IP6K1: variants seen among roughly 807,000 people sequenced by gnomAD.
IP6K1 encodes the protein inositol hexakisphosphate kinase 1.
IP6K1 carries 13 observed loss-of-function variants against 38.3 expected under a neutral mutation model. The observed-to-expected ratio is 0.34, with a 90% confidence interval of 0.22 to 0.54. The LOEUF is 0.54. Among genes scored for constraint, IP6K1 ranks in the 20% least tolerant of loss-of-function variants. The pLI is 0.92. For missense variants in IP6K1, 397 were observed against 599.8 expected (o/e 0.66, Z 3.53); for synonymous variants, 212 against 229.9 (o/e 0.92, Z 0.70).
At chr3:49,762,393 T>C (rs1049708420) in intron 1 of IP6K1, among the ~76,000 whole-genome samples, 1 of 152,150 alleles carries the variant, frequency 6.6e-6, no homozygotes, top group African/African-American at 2.4e-5. Flanking sequence ...AATACAAAAA[T>C]TAGCTGGCAA....
intron 1 of IP6K1, among the ~76,000 whole-genome samples, chr3:49,769,971 T>C (rs571523958): frequency 6.6e-6 from 1 of 152,276 alleles, no homozygotes; most frequent in Non-Finnish European, 1.5e-5. Context: ...CCCAACACTT[T>C]GGGAGGCCAA....
At chr3:49,763,053 G>A (rs1418906318) in intron 1 of IP6K1, among the ~76,000 whole-genome samples, 1 of 151,486 alleles carries the variant, frequency 6.6e-6, no homozygotes, top group Non-Finnish European at 1.5e-5. Flanking sequence ...GCCTCTCAAA[G>A]TGCTGGGATT....
At chr3:49,748,955 C>T (rs2080747163) in intron 1 of IP6K1, 1 of 152,414 alleles carries the variant, frequency 6.6e-6, no homozygotes, top group Admixed American at 6.5e-5. Flanking sequence ...AGTGACAGAT[C>T]ATCAGGCATT....
At chr3:49,760,577 T>C (rs1252698438) in intron 1 of IP6K1, among the ~76,000 whole-genome samples, 2 of 138,552 alleles carry the variant, frequency 1.4e-5, no homozygotes, top group African/African-American at 2.8e-5. Context: ...TGAGCCGAGA[T>C]AGTGCCACTG....
intron 1 of IP6K1, among the ~76,000 whole-genome samples, chr3:49,782,639 C>CA (rs1202536331): frequency 6.6e-6 from 1 of 151,834 alleles, no homozygotes; most frequent in African/African-American, 2.4e-5. Flanking sequence ...CCCATCTCTA[C>CA]AAAAAAATTA....
intron 2 of IP6K1, among the ~76,000 whole-genome samples, chr3:49,746,670 A>C (rs1478478376): frequency 7.2e-6 from 1 of 138,498 alleles, no homozygotes; most frequent in Non-Finnish European, 1.6e-5. Context: ...AGAAACTCTC[A>C]AAAAAAAAAA....
At chr3:49,767,608 T>TA (rs1559713431) in intron 1 of IP6K1, among the ~76,000 whole-genome samples, 1 of 151,044 alleles carries the variant, frequency 6.6e-6, no homozygotes, top group Non-Finnish European at 1.5e-5. Flanking sequence ...AACAACAACT[T>TA]AAAAAAATAA....
intron 1 of IP6K1, chr3:49,785,658 CA>C (rs2081106840): frequency 6.6e-6 from 1 of 152,218 alleles, no homozygotes; most frequent in African/African-American, 2.4e-5. Context: ...AAGTCATCAC[CA>C]TAATACTCAC....
intron 1 of IP6K1, among the ~76,000 whole-genome samples, chr3:49,757,782 CTT>C (rs897332433): frequency 3.3e-5 from 5 of 152,056 alleles, no homozygotes; most frequent in Non-Finnish European, 5.9e-5. Flanking sequence ...AATAAAAGCT[CTT>C]GTCACTCACG....
At chr3:49,743,259 C>G (rs956824521) in intron 2 of IP6K1, among the ~76,000 whole-genome samples, 4 of 151,166 alleles carry the variant, frequency 2.6e-5, no homozygotes, top group Admixed American at 2.0e-4. Context: ...CACACACACA[C>G]ACACACACAC....
intron 3 of IP6K1, among the ~76,000 whole-genome samples, chr3:49,734,394 CTTTTTTTTTTTT>C (rs71735078): frequency 3.4e-5 from 3 of 87,286 alleles, no homozygotes; most frequent in East Asian, 8.3e-4. Flanking sequence ...ACCGTAATTT[CTTTTTTTTTTTT>C]TTTTTTTTTT....
At chr3:49,763,342 T>A (rs995323704) in intron 1 of IP6K1, among the ~76,000 whole-genome samples, 38 of 151,628 alleles carry the variant, frequency 2.5e-4, no homozygotes, top group Admixed American at 2.5e-3. Flanking sequence ...CCTGACCTCG[T>A]GATCCACCCG....
intron 3 of IP6K1, among the ~76,000 whole-genome samples, 178 bp from the exon 4 acceptor site, chr3:49,733,150 T>C (rs1454322950): frequency 6.6e-6 from 1 of 152,168 alleles, no homozygotes; most frequent in Non-Finnish European, 1.5e-5. Flanking sequence ...GTTCTTCCTG[T>C]GTCTCTTAAA....
intron 1 of IP6K1, among the ~76,000 whole-genome samples, chr3:49,773,756 G>A (rs745775295): frequency 1.3e-5 from 2 of 152,152 alleles, no homozygotes; most frequent in Non-Finnish European, 2.9e-5. Context: ...TCCAGGTAAA[G>A]TACCAAAAAC....
chr3:49,777,322 G>A (rs1444261181), intron 1 of IP6K1, among the ~76,000 whole-genome samples: 1 of 152,146 alleles, frequency 6.6e-6, no homozygotes. Flanking sequence ...AACACCTTGG[G>A]AGGCCGAGGT....
At position 49,725,441 on chromosome 3, in the gene IP6K1, T is replaced by G. The variant is rs2080490690; in HGVS notation, c.*1681A>C. On this transcript the variant is annotated 3_prime_UTR_variant, in exon 6 of 6. Transcript: ENST00000321599. ...CTCCCAGCCCCAAAGAATGGGAACC[T>G]GCCCACCAGTGGCACCAGGGCTGGG... 1 of 152,296 alleles carries G rather than the reference T, an allele frequency of 6.6e-6. No homozygotes were observed. The highest frequency in any genetic ancestry group is 2.4e-5 in the African/African-American group (1 of 41,448). The allele number at this position is 152,296 out of a possible 1,614,324, so 9.4% of individuals were successfully genotyped here.
intron 1 of IP6K1, among the ~76,000 whole-genome samples, chr3:49,751,156 T>TTTGTTGTTG (rs58963057): frequency 1.3e-5 from 2 of 148,992 alleles, no homozygotes; most frequent in South Asian, 4.3e-4. Flanking sequence ...TCCTTTTTTT[T>TTTGTTGTTG]TTGTTGTTGT....
At chr3:49,778,690 A>G (rs1364268255) in intron 1 of IP6K1, among the ~76,000 whole-genome samples, 2 of 152,154 alleles carry the variant, frequency 1.3e-5, no homozygotes, top group Non-Finnish European at 2.9e-5. Flanking sequence ...CAGTGGCCCA[A>G]CCACAGCTCA....
intron 4 of IP6K1, among the ~76,000 whole-genome samples, chr3:49,730,434 C>T (rs2080552623): frequency 6.6e-6 from 1 of 152,226 alleles, no homozygotes; most frequent in African/African-American, 2.4e-5. Flanking sequence ...CAAGCCAGCA[C>T]CTTGCCCAGG....
Sources: allele counts gnomAD v4.1 joint callset (sites outside exome capture counted in the v4.1 genomes callset), GRCh38; gene constraint gnomAD v4.1.1; transcripts MANE v1.5; gene names NCBI Gene and HGNC (gene_info 2026-07-23, HGNC 2026-07-21).